EPHA6: variants seen among roughly 807,000 people sequenced by gnomAD.
EPHA6 encodes the protein ephrin type-A receptor 6.
Under a neutral mutation model 112.0 loss-of-function variants are expected in EPHA6, and 50 were observed. That is an observed-to-expected ratio of 0.45 (90% confidence interval 0.36 to 0.56). The LOEUF is 0.56. Ranked by LOEUF, EPHA6 falls within the 20% of genes least tolerant of loss-of-function variation. The pLI is 0.00. For synonymous variants in EPHA6, 529 were observed against 490.7 expected, an observed-to-expected ratio of 1.08 and a Z score of -1.03; for missense variants, 1,280 against 1,417.4, an observed-to-expected ratio of 0.90 and a Z score of 1.56.
chr3:97,122,126 TTTTG>T (rs770856087), intron 3 of EPHA6, among the ~76,000 whole-genome samples: 2 of 152,076 alleles, frequency 1.3e-5, no homozygotes, highest in South Asian at 2.1e-4. Context: ...TAATATTAGA[TTTTG>T]TTTAAAATCT....
intron 3 of EPHA6, among the ~76,000 whole-genome samples, chr3:97,070,756 G>A (rs2046325106): frequency 6.6e-6 from 1 of 152,074 alleles, no homozygotes; most frequent in African/African-American, 2.4e-5. Context: ...GGTGTTCTAG[G>A]TAGGCTGAAT....
rs139958164 is a variant in EPHA6, at chr3:97,403,470, G to A, written c.1607-1680G>A. Among the ~76,000 whole-genome samples the A allele has an allele frequency of 3.4e-3, 520 of 152,080 alleles. 4 individuals carry two copies. Among genetic ancestry groups the A allele is most frequent in the African/African-American group, 0.012 (488 of 41,516 alleles). On this transcript the variant is annotated intron_variant, in intron 5 of 17. Transcript: ENST00000389672. ...GTTATTTATTTGTTTATTTTGAGAC[G>A]GAGTCTCACTCTGTCGCCCAGGCTG...
intron 3 of EPHA6, among the ~76,000 whole-genome samples, chr3:97,101,143 C>G (rs1446504319): frequency 1.3e-5 from 2 of 151,886 alleles, no homozygotes; most frequent in Non-Finnish European, 2.9e-5. Context: ...CAAGCTTTTA[C>G]AGTAAATTTT....
chr3:96,849,585 C>T (rs1322104519), intron 1 of EPHA6, among the ~76,000 whole-genome samples: 1 of 152,084 alleles, frequency 6.6e-6, no homozygotes, highest in Non-Finnish European at 1.5e-5. Context: ...TTTTCTTTCA[C>T]TCTTCTAGCA....
At chr3:96,975,196 A>G (rs1220550597) in intron 2 of EPHA6, among the ~76,000 whole-genome samples, 1 of 152,058 alleles carries the variant, frequency 6.6e-6, no homozygotes, top group East Asian at 1.9e-4. Context: ...TAGGGGAAAT[A>G]TTGCCTTGAT....
intron 5 of EPHA6, among the ~76,000 whole-genome samples, chr3:97,341,469 C>T (rs1386056122): frequency 2.0e-5 from 3 of 152,000 alleles, no homozygotes. Context: ...ATTCTCCTGC[C>T]TCAGCCTCCC....
chr3:96,976,915 C>T (rs2042547911), intron 2 of EPHA6, among the ~76,000 whole-genome samples: 1 of 152,140 alleles, frequency 6.6e-6, no homozygotes, highest in Non-Finnish European at 1.5e-5. Context: ...TGTGCTCAGC[C>T]TAAGTTCACT....
At chr3:97,078,765 A>G (rs1343651545) in intron 3 of EPHA6, among the ~76,000 whole-genome samples, 2 of 151,980 alleles carry the variant, frequency 1.3e-5, no homozygotes, top group Admixed American at 6.6e-5. Flanking sequence ...TCTCAAACAG[A>G]TGCAATCTTG....
chr3:97,112,577 C>T (rs560315544), intron 3 of EPHA6, among the ~76,000 whole-genome samples: 1 of 151,040 alleles, frequency 6.6e-6, no homozygotes, highest in East Asian at 1.9e-4. Context: ...TGAAGAAAGT[C>T]GATTTTGTAT....
chr3:96,887,184 G>A (rs2037678293), intron 2 of EPHA6, among the ~76,000 whole-genome samples: 1 of 152,066 alleles, frequency 6.6e-6, no homozygotes, highest in Non-Finnish European at 1.5e-5. Flanking sequence ...ATATTACTAG[G>A]GTTGGTTTTC....
chr3:97,018,548 CAG>C (rs2044343878), intron 3 of EPHA6, among the ~76,000 whole-genome samples: 1 of 152,170 alleles, frequency 6.6e-6, no homozygotes, highest in African/African-American at 2.4e-5. Context: ...GCAGCTGAGG[CAG>C]AGAGGGAGAG....
intron 14 of EPHA6, among the ~76,000 whole-genome samples, chr3:97,681,917 C>A (rs891755739): frequency 2.6e-5 from 4 of 151,940 alleles, no homozygotes; most frequent in South Asian, 2.1e-4. Context: ...AATCTGTTAA[C>A]AAAAATATAT....
intron 10 of EPHA6, among the ~76,000 whole-genome samples, chr3:97,523,078 C>G (rs1217970735): frequency 6.6e-6 from 1 of 151,930 alleles, no homozygotes; most frequent in South Asian, 2.1e-4. Context: ...TAACTTCATG[C>G]TTTGTTTGTT....
intron 11 of EPHA6, among the ~76,000 whole-genome samples, chr3:97,571,105 A>AT (rs548040857): frequency 1.5e-3 from 231 of 152,342 alleles, no homozygotes; most frequent in Non-Finnish European, 2.8e-3. Flanking sequence ...AGAAGAGGGC[A>AT]TATAGTGCTG....
At chr3:96,892,180 C>G (rs1410820366) in intron 2 of EPHA6, among the ~76,000 whole-genome samples, 1 of 152,158 alleles carries the variant, frequency 6.6e-6, no homozygotes, top group Non-Finnish European at 1.5e-5. Context: ...ACACACACCT[C>G]TCTGTGCTTG....
At chr3:97,401,328 G>T (rs2086978952) in intron 5 of EPHA6, among the ~76,000 whole-genome samples, 1 of 151,524 alleles carries the variant, frequency 6.6e-6, no homozygotes, top group African/African-American at 2.4e-5. Context: ...TCTGTTGGGA[G>T]ACTTTTTATT....
chr3:97,193,570 T>C (rs766207698), intron 3 of EPHA6, among the ~76,000 whole-genome samples: 2 of 151,880 alleles, frequency 1.3e-5, no homozygotes, highest in Admixed American at 6.6e-5. Context: ...TATAAGATTA[T>C]AATATCTGCA....
chr3:97,303,032 G>A (rs1436638320), intron 5 of EPHA6, among the ~76,000 whole-genome samples: 1 of 151,524 alleles, frequency 6.6e-6, no homozygotes, highest in East Asian at 1.9e-4. Context: ...ATGAAACCAA[G>A]GAATGAAGAG....
intron 3 of EPHA6, among the ~76,000 whole-genome samples, chr3:97,036,788 A>G (rs1232381562): frequency 6.6e-6 from 1 of 152,024 alleles, no homozygotes; most frequent in Non-Finnish European, 1.5e-5. Context: ...ATGAAAAGGT[A>G]TATGTAATGG....
Sources: gnomAD v4.1 joint callset for allele counts (sites outside exome capture counted in the v4.1 genomes callset) on GRCh38, gnomAD v4.1.1 for gene constraint, MANE v1.5 for transcripts, NCBI Gene and HGNC (gene_info 2026-07-23, HGNC 2026-07-21) for gene names.